Variants in EIF2S3 observed in about 807,000 individuals in gnomAD.
The protein encoded by EIF2S3 is eukaryotic translation initiation factor 2 subunit 3.
In EIF2S3, 2 loss-of-function variants were observed where a neutral mutation model predicts 31.7. That is an observed-to-expected ratio of 0.06 (90% CI 0.03 to 0.20). The LOEUF is 0.20. EIF2S3 is among the 10% of genes least tolerant of loss of function. The pLI, the probability that EIF2S3 is intolerant of heterozygous loss-of-function variation, is 1.00. For missense variants in EIF2S3, 96 were observed against 359.3 expected (o/e 0.27, Z 5.92); for synonymous variants, 120 against 126.7 (o/e 0.95, Z 0.36).
In EIF2S3 at chrX:24,055,622, C is replaced by G; in HGVS notation, c.77C>G (p.Thr26Ser). ...AAATATATTTCATTGCAGGATGTTACCAAGTTGACGCCACTTTCACACGAA... is the reference window on the plus strand; with the variant it reads ...AAATATATTTCATTGCAGGATGTTAGCAAGTTGACGCCACTTTCACACGAA... ...SRQDLTTLDVTKLTPLSHEVI... is the reference protein window; with the variant it reads ...SRQDLTTLDVSKLTPLSHEVI... Residue 26 changes from threonine to serine, a missense_variant, in exon 2 of 12, where the codon ACC becomes AGC. By Grantham distance (58) the Thr-to-Ser change is moderately conservative. This residue lies in a region of EIF2S3 where 27 missense variants were observed against 21.3 expected (regional missense o/e 1.27). Coordinates refer to ENST00000253039, the MANE Select transcript of EIF2S3 (RefSeq NM_001415.4). 8.3e-7 allele frequency: 1 copy of G among 1,211,021 alleles called. No individual in the cohort carries two copies. The highest frequency in any genetic ancestry group is 1.1e-6 in the Non-Finnish European group (1 of 894,757).
intron 7 of EIF2S3, among the ~76,000 whole-genome samples, chrX:24,064,657 G>A (rs909185365): frequency 8.9e-6 from 1 of 111,784 alleles, no homozygotes; most frequent in Non-Finnish European, 1.9e-5. Context: ...GTGAAACCCT[G>A]TCTCTACTAA....
chrX:24,055,558 A>G, intron 1 of EIF2S3, 57 bp from the exon 2 acceptor site: 2 of 1,150,586 alleles, frequency 1.7e-6, no homozygotes, highest in Non-Finnish European at 1.2e-6. Flanking sequence ...ACGTAAAGTC[A>G]AAGGAAAAGT....
At chrX:24,072,995 G>A (rs2147131449) in intron 10 of EIF2S3, 96 bp from the exon 11 acceptor site, 2 of 933,184 alleles carry the variant, frequency 2.1e-6, no homozygotes, top group Admixed American at 6.5e-5. Context: ...TTTTATGATT[G>A]ACATATTTCC....
chrX:24,067,330 C>T (rs1357364494), intron 8 of EIF2S3, among the ~76,000 whole-genome samples: 2 of 111,253 alleles, frequency 1.8e-5, no homozygotes, highest in Non-Finnish European at 3.8e-5. Flanking sequence ...TAAGCCACCA[C>T]GCCCAGCTAT....
intron 2 of EIF2S3, among the ~76,000 whole-genome samples, chrX:24,056,393 A>G (rs1930404004): frequency 8.9e-6 from 1 of 111,966 alleles, no homozygotes; most frequent in South Asian, 3.7e-4. Flanking sequence ...ACCTATGCTA[A>G]GACTATACCA....
chrX:24,056,195 G>C (rs1361600084), intron 2 of EIF2S3, among the ~76,000 whole-genome samples: 1 of 111,537 alleles, frequency 9.0e-6, no homozygotes, highest in African/African-American at 3.3e-5. Flanking sequence ...TAAAAAGTAA[G>C]ACTAGTTTTT....
chrX:24,062,459 G>C lies in EIF2S3; in HGVS notation c.522G>C (p.Leu174=), dbSNP rs1171067909. Residue 174 remains leucine, a synonymous_variant, in exon 6 of 12, where the codon CTG becomes CTC. Transcript: ENST00000253039. ...CTCAGCCTCAGACATCGGAACACCT[G>C]GCTGCTATAGAGATCATGAAACTGA... ...SCPQPQTSEH[L]AAIEIMKLKH... 4.2e-6 allele frequency: 5 copies of C among 1,204,712 alleles called. No individual in the cohort carries two copies. Among genetic ancestry groups the C allele is most frequent in the Non-Finnish European group, 5.6e-6 (5 of 893,875 alleles).
intron 9 of EIF2S3, among the ~76,000 whole-genome samples, chrX:24,068,662 T>A (rs946127386): frequency 9.0e-6 from 1 of 111,333 alleles, no homozygotes; most frequent in Non-Finnish European, 1.9e-5. Flanking sequence ...CCCAGGCTGG[T>A]CTTGAACTCC....
At position 24,078,403 on chromosome X, in the gene EIF2S3, A is replaced by G. The variant is rs1702896310; in HGVS notation, c.*1618A>G. 9.1e-6 allele frequency among the ~76,000 whole-genome samples: 1 copy of G among 110,136 alleles called. No individual in the cohort carries two copies. The highest frequency in any genetic ancestry group is 3.8e-4 in the South Asian group (1 of 2,638). On this transcript the variant is annotated 3_prime_UTR_variant, in exon 12 of 12. Coordinates refer to ENST00000253039, the MANE Select transcript of EIF2S3 (RefSeq NM_001415.4). ...CAACTCTTGCTGACGTTGCTGGGGA[A>G]GCTTTAAAAAAAAAAAAGATGCCCC...
chrX:24,062,601 C>CATATT, intron 6 of EIF2S3, 27 bp downstream of exon 6: 1 of 1,191,690 alleles, frequency 8.4e-7, no homozygotes, highest in Non-Finnish European at 1.1e-6. Flanking sequence ...TGAAATAAAT[C>CATATT]TATGAATCAC....
At chrX:24,062,310 G>C in intron 5 of EIF2S3, 106 bp from the exon 6 acceptor site, 1 of 888,386 alleles carries the variant, frequency 1.1e-6, no homozygotes, top group Non-Finnish European at 1.6e-6. Flanking sequence ...TCCTCCCCCA[G>C]CCCCTTGCAA....
chrX:24,066,476 A>G lies in EIF2S3; in HGVS notation c.867+384A>G, dbSNP rs565205655. On this transcript the variant is annotated intron_variant, in intron 8 of 11. Coordinates refer to ENST00000253039, the MANE Select transcript of EIF2S3 (RefSeq NM_001415.4). ...TGGCAGAATTTTTTTTTATGGCTGC[A>G]TAATACTTCATTGCATATATATATA... Among the ~76,000 whole-genome samples, 6 of 108,972 alleles carry G rather than the reference A, an allele frequency of 5.5e-5. No individual in the cohort carries two copies. The South Asian group carries it at 2.3e-3, about 41-fold the overall frequency. 94.6% of individuals were successfully genotyped at this position (108,972 alleles called of 115,157 possible).
At chrX:24,068,240 A>G (rs1356349203) in intron 9 of EIF2S3, 132 bp downstream of exon 9, 2 of 613,298 alleles carry the variant, frequency 3.3e-6, no homozygotes, top group South Asian at 1.1e-4. Context: ...GTGGGGAACA[A>G]TCATGTGGTT....
intron 8 of EIF2S3, 63 bp from the exon 9 acceptor site, chrX:24,067,901 T>G: frequency 9.0e-7 from 1 of 1,109,976 alleles, no homozygotes. Flanking sequence ...GTTGGAACTT[T>G]TGATAGGTAA....
In EIF2S3 at chrX:24,074,862, C is replaced by CTTTTTTTTTTTTTTTTTTTTTT. The variant is rs758813480; in HGVS notation, c.1355+1620_1355+1621insTTTTTTTTTTTTTTTTTTTTTT. Among the ~76,000 whole-genome samples the CTTTTTTTTTTTTTTTTTTTTTT allele has an allele frequency of 1.3e-4, 6 of 47,473 alleles. 1 individual carries two copies. Among genetic ancestry groups the CTTTTTTTTTTTTTTTTTTTTTT allele is most frequent in the African/African-American group, 4.8e-4 (5 of 10,435 alleles). 41.2% of individuals were successfully genotyped at this position (47,473 alleles called of 115,157 possible). On this transcript the variant is annotated intron_variant, in intron 11 of 11. Coordinates refer to ENST00000253039, the MANE Select transcript of EIF2S3 (RefSeq NM_001415.4). ...GTACTCATCATTTTTTTTTCTTCTT[C>CTTTTTTTTTTTTTTTTTTTTTT]TTTTTTTTTTTTTTTTTTTTTGAGA...
chrX:24,056,673 C>T (rs759263804), intron 2 of EIF2S3, among the ~76,000 whole-genome samples: 41 of 111,032 alleles, frequency 3.7e-4, no homozygotes, highest in African/African-American at 1.2e-3. Context: ...ACCTGGGCAA[C>T]GTGGCCAAAC....
In EIF2S3 at chrX:24,077,899, G is replaced by A. The variant is rs1369688654; in HGVS notation, c.*1114G>A. The A allele has an allele frequency of 8.9e-6, 1 of 111,991 alleles. No homozygotes were observed. The highest frequency in any genetic ancestry group is 1.9e-5 in the Non-Finnish European group (1 of 53,243). The allele number at this position is 111,991 out of a possible 1,213,427, so 9.2% of individuals were successfully genotyped here. On this transcript the variant is annotated 3_prime_UTR_variant, in exon 12 of 12. Transcript: ENST00000253039. ...TTTTCTTAACTGTTATATTATGATT[G>A]TGACATAGATTATACTACTACTAAT...
At chrX:24,072,131 G>C (rs748996246) in intron 10 of EIF2S3, among the ~76,000 whole-genome samples, 1 of 111,005 alleles carries the variant, frequency 9.0e-6, no homozygotes, top group South Asian at 3.8e-4. Context: ...CGCCCGCCTT[G>C]GCCTCCCAAA....
intron 10 of EIF2S3, among the ~76,000 whole-genome samples, chrX:24,072,087 C>A (rs1422469830): frequency 9.1e-6 from 1 of 109,972 alleles, no homozygotes; most frequent in Non-Finnish European, 1.9e-5. Context: ...ATATGTTAGC[C>A]AGGCTGGACT....
Sources: allele counts gnomAD v4.1 joint callset (sites outside exome capture counted in the v4.1 genomes callset), GRCh38; gene constraint gnomAD v4.1.1; regional missense constraint gnomAD v4.1.1; transcripts MANE v1.5; gene names NCBI Gene and HGNC (gene_info 2026-07-23, HGNC 2026-07-21).